Variants in CADPS observed in about 807,000 individuals in gnomAD.
CADPS encodes the protein calcium dependent secretion activator.
CADPS carries 57 observed loss-of-function variants against 167.3 expected under a neutral mutation model. The observed-to-expected ratio is 0.34, with a 90% CI of 0.28 to 0.42. CADPS has a LOEUF of 0.42. Among genes scored for constraint, CADPS ranks in the 20% least tolerant of loss-of-function variants. The probability of loss-of-function intolerance (pLI) is 1.00; values close to 1 mark genes in which losing one functional copy is unlikely to be tolerated. For missense variants in CADPS, 1,414 were observed against 1,738.1 expected (o/e 0.81, Z 3.32); for synonymous variants, 676 against 635.3 (o/e 1.06, Z -0.96).
At chr3:62,838,616 TCTAA>T (rs2076226154) in intron 1 of CADPS, among the ~76,000 whole-genome samples, 1 of 152,204 alleles carries the variant, frequency 6.6e-6, no homozygotes, top group Non-Finnish European at 1.5e-5. Context: ...TTTGCTAATT[TCTAA>T]CTGTGTAATT....
At chr3:62,649,543 CTTTTTT>C (rs369874258) in intron 5 of CADPS, among the ~76,000 whole-genome samples, 11,235 of 36,796 alleles carry the variant, frequency 0.31, 999 homozygotes, top group East Asian at 0.4. Context: ...AATATGTGGT[CTTTTTT>C]TTTTTTTTTT....
intron 9 of CADPS, among the ~76,000 whole-genome samples, chr3:62,568,498 C>T (rs779625595): frequency 6.6e-6 from 1 of 152,218 alleles, no homozygotes; most frequent in Non-Finnish European, 1.5e-5. Context: ...GCATCAGACT[C>T]CAGGTTCTTT....
chr3:62,411,394 G>A (rs1319964159), intron 28 of CADPS, among the ~76,000 whole-genome samples: 1 of 152,180 alleles, frequency 6.6e-6, no homozygotes, highest in Non-Finnish European at 1.5e-5. Flanking sequence ...CCACGCCCAT[G>A]TGACTAAGTT....
At chr3:62,567,869 C>T (rs921737067) in intron 9 of CADPS, among the ~76,000 whole-genome samples, 1 of 152,124 alleles carries the variant, frequency 6.6e-6, no homozygotes, top group East Asian at 1.9e-4. Context: ...GCCACTGCTC[C>T]TGGACAGCAC....
In CADPS at chr3:62,731,805, C is replaced by CAAAAAAAAAAAAAAAA. The variant is rs1212456893; in HGVS notation, c.888+21620_888+21635dup. ...CCTGGTGAAAGAAACTGATCATATG[C>CAAAAAAAAAAAAAAAA]AAAAAAAAAAAAAAAAAAAAAAAAA... is the stretch of plus-strand genomic sequence containing the variant. On this transcript the variant is annotated intron_variant, in intron 3 of 29. Coordinates refer to ENST00000383710, the MANE Select transcript of CADPS (RefSeq NM_003716.4). 8.8e-4 allele frequency among the ~76,000 whole-genome samples: 24 copies of CAAAAAAAAAAAAAAAA among 27,134 alleles called. 1 individual carries two copies. The highest frequency in any genetic ancestry group is 1.7e-3 in the South Asian group (1 of 606). The allele number at this position is 27,134 out of a possible 152,430, so 17.8% of individuals were successfully genotyped here. A position where few individuals can be genotyped will look rare whatever the true frequency, so the allele number is the denominator to read the frequency against.
chr3:62,847,414 G>C, intron 1 of CADPS, among the ~76,000 whole-genome samples: 1 of 56,762 alleles, frequency 1.8e-5, no homozygotes, highest in Non-Finnish European at 3.3e-5. Flanking sequence ...ATCTCCCAAT[G>C]CTATCCCTCC....
chr3:62,812,079 G>C (rs1035340594), intron 1 of CADPS, among the ~76,000 whole-genome samples: 1 of 152,040 alleles, frequency 6.6e-6, no homozygotes, highest in Non-Finnish European at 1.5e-5. Flanking sequence ...ACACAGTAAT[G>C]CCAAGTAAAA....
chr3:62,431,204 A>G (rs555886320), intron 28 of CADPS, among the ~76,000 whole-genome samples: 10 of 152,312 alleles, frequency 6.6e-5, no homozygotes, highest in Admixed American at 3.9e-4. Flanking sequence ...TAGTATGGGT[A>G]TGTGTGTGTC....
chr3:62,627,530 G>A (rs368767826), intron 6 of CADPS, among the ~76,000 whole-genome samples: 1 of 152,104 alleles, frequency 6.6e-6, no homozygotes, highest in Non-Finnish European at 1.5e-5. Flanking sequence ...CTATATTGGT[G>A]TTGTAAGTAT....
chr3:62,478,881 C>T lies in CADPS; in HGVS notation c.3174-465G>A, dbSNP rs2061629834. Among the ~76,000 whole-genome samples the T allele has an allele frequency of 6.6e-6, 1 of 152,154 alleles. No individual in the cohort carries two copies. Among genetic ancestry groups the T allele is most frequent in the Non-Finnish European group, 1.5e-5 (1 of 68,016 alleles). ...CTCTTGGAGATTGCACAAGACTTTT[C>T]GTTTTCAAAGGACAGTGCTAACAAA... is the stretch of plus-strand genomic sequence containing the variant. On this transcript the variant is annotated intron_variant, in intron 22 of 29. Coordinates refer to ENST00000383710, the MANE Select transcript of CADPS (RefSeq NM_003716.4). The surrounding 1 kb of genome is among the most constrained non-coding windows in gnomAD (Gnocchi z 5.7).
intron 11 of CADPS, among the ~76,000 whole-genome samples, chr3:62,545,602 G>C (rs1490355705): frequency 6.6e-6 from 1 of 151,996 alleles, no homozygotes; most frequent in Non-Finnish European, 1.5e-5. Context: ...ACAAACTAAT[G>C]AATAGCAGGA....
chr3:62,558,262 G>A (rs1029760303), intron 9 of CADPS, among the ~76,000 whole-genome samples: 2 of 152,200 alleles, frequency 1.3e-5, no homozygotes, highest in African/African-American at 4.8e-5. Flanking sequence ...CCTAATGGCA[G>A]CCCTCACTCT....
intron 11 of CADPS, among the ~76,000 whole-genome samples, chr3:62,541,161 C>T (rs138508093): frequency 6.6e-6 from 1 of 152,224 alleles, no homozygotes; most frequent in East Asian, 1.9e-4. Context: ...TAGAAATCAA[C>T]GATTGACATT....
At position 62,637,026 on chromosome 3, in the gene CADPS, C is replaced by A. The variant is rs186879885; in HGVS notation, c.1325+8696G>T. Among the ~76,000 whole-genome samples the A allele has an allele frequency of 4.3e-4, 66 of 152,110 alleles. No individual in the cohort carries two copies. The East Asian group carries it at 0.012, about 28-fold the overall frequency. On this transcript the variant is annotated intron_variant, in intron 6 of 29. Transcript: ENST00000383710. ...AATTTCTCTGAGCTTCTCTTTTTTC[C>A]TTCTATTTCTTAACAGTACCATGTG...
chr3:62,416,333 T>C (rs2050056395), intron 28 of CADPS, among the ~76,000 whole-genome samples: 1 of 152,268 alleles, frequency 6.6e-6, no homozygotes, highest in African/African-American at 2.4e-5. Flanking sequence ...CTATTGCTGA[T>C]ACTACTCAAT....
At chr3:62,676,680 C>A in intron 3 of CADPS, among the ~76,000 whole-genome samples, 1 of 152,104 alleles carries the variant, frequency 6.6e-6, no homozygotes, top group African/African-American at 2.4e-5. Flanking sequence ...GACATTTCAG[C>A]AAACTGTGTA....
intron 3 of CADPS, among the ~76,000 whole-genome samples, chr3:62,692,078 G>C (rs1054590963): frequency 6.6e-6 from 1 of 151,876 alleles, no homozygotes; most frequent in Admixed American, 6.6e-5. Context: ...CAACACCACT[G>C]TCTTTACAAA....
chr3:62,608,953 A>C (rs1178305517), intron 6 of CADPS, among the ~76,000 whole-genome samples: 1 of 152,208 alleles, frequency 6.6e-6, no homozygotes, highest in Non-Finnish European at 1.5e-5. Flanking sequence ...TATTTCTGCC[A>C]TGCATTTTCT....
intron 1 of CADPS, among the ~76,000 whole-genome samples, chr3:62,844,762 G>C (rs141497488): frequency 6.6e-6 from 1 of 152,178 alleles, no homozygotes; most frequent in African/African-American, 2.4e-5. Flanking sequence ...AGAGAAAGCA[G>C]TCACTACTTT....
Sources: gnomAD v4.1 joint callset for allele counts (sites outside exome capture counted in the v4.1 genomes callset) on GRCh38, gnomAD v4.1.1 for gene constraint, Gnocchi (gnomAD v3.1) non-coding constraint, MANE v1.5 for transcripts, NCBI Gene and HGNC (gene_info 2026-07-23, HGNC 2026-07-21) for gene names.